Variants in PCDH7 observed in about 807,000 individuals in gnomAD.
PCDH7 encodes protocadherin-7.
In PCDH7, 17 loss-of-function variants were observed where a neutral mutation model predicts 58.9. The observed-to-expected ratio is 0.29, with a 90% CI of 0.20 to 0.43. The LOEUF (loss-of-function observed/expected upper bound fraction) is 0.43. PCDH7 is among the 20% of genes least tolerant of loss of function. The probability of loss-of-function intolerance (pLI) is 1.00; values close to 1 mark genes in which losing one functional copy is unlikely to be tolerated. For missense variants in PCDH7, 1,274 were observed against 1,441.0 expected (o/e 0.88, Z 1.88); for synonymous variants, 664 against 616.4 (o/e 1.08, Z -1.14).
intron 3 of PCDH7, among the ~76,000 whole-genome samples, chr4:31,058,825 G>A (rs1175586284): frequency 6.6e-6 from 1 of 151,900 alleles, no homozygotes. Context: ...ACAGTCATTC[G>A]AAAGGAGGAC....
intron 3 of PCDH7, among the ~76,000 whole-genome samples, chr4:31,063,852 A>G (rs1329863560): frequency 6.6e-6 from 1 of 151,912 alleles, no homozygotes; most frequent in East Asian, 1.9e-4. Flanking sequence ...GTCAGTTTTT[A>G]TAAATGTCCC....
intron 2 of PCDH7, among the ~76,000 whole-genome samples, chr4:30,923,076 G>C (rs6840698): frequency 0.69 from 104,679 of 151,912 alleles, 36,120 homozygotes; most frequent in East Asian, 0.78. Flanking sequence ...TTTTAATCAG[G>C]ATTTGTATTG....
intron 1 of PCDH7, among the ~76,000 whole-genome samples, chr4:30,848,870 C>A (rs549570344): frequency 6.6e-6 from 1 of 151,984 alleles, no homozygotes; most frequent in African/African-American, 2.4e-5. Flanking sequence ...CTGGCCCTGA[C>A]GGTGGGGCTT....
intron 3 of PCDH7, among the ~76,000 whole-genome samples, chr4:30,981,599 C>A (rs1456016221): frequency 6.6e-6 from 1 of 152,118 alleles, no homozygotes; most frequent in Non-Finnish European, 1.5e-5. Flanking sequence ...CATATTCTAT[C>A]AGCGAATAAA....
At chr4:30,980,874 C>T (rs545427288) in intron 3 of PCDH7, among the ~76,000 whole-genome samples, 4 of 152,222 alleles carry the variant, frequency 2.6e-5, no homozygotes, top group African/African-American at 7.2e-5. Context: ...GACAGAATCT[C>T]GCTCTGTCAC....
chr4:30,924,315 C>T (rs777596155), intron 2 of PCDH7, among the ~76,000 whole-genome samples: 4 of 152,146 alleles, frequency 2.6e-5, no homozygotes, highest in Non-Finnish European at 5.9e-5. Flanking sequence ...AGGCTACTGT[C>T]TAAGGAAATT....
At chr4:30,939,649 A>G (rs1745792880) in intron 2 of PCDH7, among the ~76,000 whole-genome samples, 1 of 152,124 alleles carries the variant, frequency 6.6e-6, no homozygotes, top group South Asian at 2.1e-4. Flanking sequence ...TGTCAAATTT[A>G]TGGCTTGTAC....
chr4:31,097,519 A>G lies in PCDH7; in HGVS notation c.*8-44954A>G, dbSNP rs374083724. Among the ~76,000 whole-genome samples the G allele has an allele frequency of 7.9e-5, 8 of 101,876 alleles. 1 individual carries two copies. Among genetic ancestry groups the G allele is most frequent in the South Asian group, 3.3e-4 (1 of 3,022 alleles). 66.8% of individuals were successfully genotyped at this position (101,876 alleles called of 152,430 possible). A position where few individuals can be genotyped will look rare whatever the true frequency, so the allele number is the denominator to read the frequency against. On this transcript the variant is annotated intron_variant, in intron 3 of 3. Transcript: ENST00000509759. ...AAGAAAGAAAGAAAGAGAGAAAGAAAGAAGAAAGAAAGAAAGAAAGAAAGA... is the reference window on the plus strand; with the variant it reads ...AAGAAAGAAAGAAAGAGAGAAAGAAGGAAGAAAGAAAGAAAGAAAGAAAGA...
At chr4:30,901,359 G>A (rs1740200159) in intron 1 of PCDH7, among the ~76,000 whole-genome samples, 1 of 152,126 alleles carries the variant, frequency 6.6e-6, no homozygotes. Flanking sequence ...TGGTGATGGA[G>A]TGCTGACATC....
chr4:30,935,114 T>A (rs911307757), intron 2 of PCDH7, among the ~76,000 whole-genome samples: 1 of 152,124 alleles, frequency 6.6e-6, no homozygotes, highest in Non-Finnish European at 1.5e-5. Flanking sequence ...ATTACTTTAC[T>A]ATATTTAGTG....
intron 3 of PCDH7, among the ~76,000 whole-genome samples, chr4:31,038,249 G>A (rs1755572281): frequency 6.6e-6 from 1 of 152,180 alleles, no homozygotes; most frequent in East Asian, 1.9e-4. Flanking sequence ...CAGTACCAAA[G>A]GAAGGTTGCA....
At position 30,914,314 on chromosome 4, in the gene PCDH7, T is replaced by C. The variant is rs560888382; in HGVS notation, c.71-5839T>C. On this transcript the variant is annotated intron_variant, in intron 1 of 3. Coordinates refer to the PCDH7 transcript ENST00000509759. ...TATCTGGGTTTTGCCTTTGAATATA[T>C]TTGTAACAAACTCTAAAATGTCTGA... is the stretch of plus-strand genomic sequence containing the variant. Among the ~76,000 whole-genome samples, 146 of 152,320 alleles carry C rather than the reference T, an allele frequency of 9.6e-4. 2 individuals carry two copies. The highest frequency in any genetic ancestry group is 3.3e-3 in the African/African-American group (139 of 41,564).
chr4:30,893,449 T>G (rs1275687855), intron 1 of PCDH7, among the ~76,000 whole-genome samples: 1 of 152,124 alleles, frequency 6.6e-6, no homozygotes, highest in Non-Finnish European at 1.5e-5. Context: ...AATATCAGTA[T>G]TCAATATACT....
At chr4:31,134,229 A>C (rs1291819256) in intron 3 of PCDH7, among the ~76,000 whole-genome samples, 1 of 152,088 alleles carries the variant, frequency 6.6e-6, no homozygotes, top group African/African-American at 2.4e-5. Flanking sequence ...TGGAAGGCCG[A>C]GGTTGGGGGA....
chr4:30,725,372 G>A (rs1367027553), intron 1 of PCDH7: 2 of 742,718 alleles, frequency 2.7e-6, no homozygotes, highest in Non-Finnish European at 1.7e-6. Flanking sequence ...CATGATTGAT[G>A]TACTGTGTGC....
intron 3 of PCDH7, among the ~76,000 whole-genome samples, chr4:30,961,172 T>G (rs572543954): frequency 3.4e-4 from 52 of 152,248 alleles, no homozygotes; most frequent in Middle Eastern, 3.4e-3. Context: ...TTCTTAATAA[T>G]ACTTTTTAAA....
At chr4:30,996,516 G>A (rs775192297) in intron 3 of PCDH7, among the ~76,000 whole-genome samples, 7 of 152,188 alleles carry the variant, frequency 4.6e-5, no homozygotes, top group East Asian at 3.9e-4. Context: ...CTTCCCCTCC[G>A]AGAGACTTTG....
intron 3 of PCDH7, among the ~76,000 whole-genome samples, chr4:30,973,505 G>A (rs918734551): frequency 1.3e-5 from 2 of 152,074 alleles, no homozygotes; most frequent in Non-Finnish European, 2.9e-5. Context: ...ATTTACATTC[G>A]AGGAAGAAGA....
intron 3 of PCDH7, among the ~76,000 whole-genome samples, chr4:31,058,013 A>C (rs907355205): frequency 2.0e-5 from 3 of 152,072 alleles, no homozygotes; most frequent in Non-Finnish European, 4.4e-5. Flanking sequence ...ATTAAGTTGA[A>C]ATGACCTTTG....
Sources: gnomAD v4.1 joint callset for allele counts (sites outside exome capture counted in the v4.1 genomes callset) on GRCh38, gnomAD v4.1.1 for gene constraint, MANE v1.5 for transcripts, NCBI Gene and HGNC (gene_info 2026-07-23, HGNC 2026-07-21) for gene names.